RFX3: variants seen among roughly 807,000 people sequenced by gnomAD.
RFX3 encodes regulatory factor X3.
A neutral mutation model predicts 98.6 loss-of-function variants in RFX3; 14 were observed. The ratio of observed to expected loss-of-function variants is 0.14; its 90% CI spans 0.09 to 0.22. The LOEUF (loss-of-function observed/expected upper bound fraction) is 0.22. Among genes scored for constraint, RFX3 ranks in the 10% least tolerant of loss-of-function variants. RFX3 has a pLI of 1.00. For missense variants in RFX3, 639 were observed against 926.9 expected (o/e 0.69, Z 4.03); for synonymous variants, 383 against 328.4 (o/e 1.17, Z -1.80).
chr9:3,395,700 C>G, intron 1 of RFX3, 104 bp from the exon 2 acceptor site: 1 of 1,169,650 alleles, frequency 8.5e-7, no homozygotes, highest in Non-Finnish European at 1.2e-6. Flanking sequence ...ACTTTCAACT[C>G]TCATACCTCT....
intron 7 of RFX3, among the ~76,000 whole-genome samples, chr9:3,287,110 T>C (rs553483709): frequency 6.6e-6 from 1 of 151,890 alleles, no homozygotes; most frequent in East Asian, 1.9e-4. Flanking sequence ...CTGTGTCTTA[T>C]CTCTGCATGC....
chr9:3,416,232 T>G (rs1842970343), intron 1 of RFX3, among the ~76,000 whole-genome samples: 1 of 152,172 alleles, frequency 6.6e-6, no homozygotes, highest in African/African-American at 2.4e-5. Flanking sequence ...TAAAGTGTTG[T>G]ATGAGCACAT....
At chr9:3,410,481 A>G (rs1178839396) in intron 1 of RFX3, among the ~76,000 whole-genome samples, 4 of 152,120 alleles carry the variant, frequency 2.6e-5, no homozygotes, top group Non-Finnish European at 4.4e-5. Context: ...GTTTTCCTGG[A>G]AGAGGGAAAA....
intron 2 of RFX3, among the ~76,000 whole-genome samples, chr9:3,370,503 A>G (rs1837720284): frequency 1.3e-5 from 2 of 151,512 alleles, no homozygotes; most frequent in Non-Finnish European, 2.9e-5. Context: ...AATTATATAT[A>G]TATATAATCT....
chr9:3,432,346 C>G (rs1034591688), intron 1 of RFX3, among the ~76,000 whole-genome samples: 1 of 152,082 alleles, frequency 6.6e-6, no homozygotes, highest in African/African-American at 2.4e-5. Context: ...GCACATAGTA[C>G]TCAATGGAAA....
At chr9:3,492,387 C>T (rs1046338845) in intron 1 of RFX3, among the ~76,000 whole-genome samples, 6 of 152,262 alleles carry the variant, frequency 3.9e-5, no homozygotes, top group Non-Finnish European at 5.9e-5. Context: ...TGCCCTTGGG[C>T]CACTCACTTT....
intron 1 of RFX3, among the ~76,000 whole-genome samples, chr9:3,403,975 T>A (rs1383308063): frequency 1.3e-5 from 2 of 152,160 alleles, no homozygotes; most frequent in Non-Finnish European, 2.9e-5. Context: ...TCTTTTTCTT[T>A]TAATAAAAGT....
At chr9:3,400,579 C>T (rs1323396006) in intron 1 of RFX3, among the ~76,000 whole-genome samples, 2 of 152,212 alleles carry the variant, frequency 1.3e-5, no homozygotes, top group African/African-American at 4.8e-5. Context: ...TTTGTGTCTC[C>T]ATTTTCCTTC....
intron 2 of RFX3, among the ~76,000 whole-genome samples, chr9:3,361,515 T>C (rs909137219): frequency 3.3e-5 from 5 of 151,884 alleles, no homozygotes; most frequent in African/African-American, 1.2e-4. Context: ...TGGTTAAAAG[T>C]AGGCACCAGG....
chr9:3,261,805 G>C (rs887234345), intron 13 of RFX3, among the ~76,000 whole-genome samples: 1 of 152,060 alleles, frequency 6.6e-6, no homozygotes, highest in African/African-American at 2.4e-5. Context: ...CTCGCCAATA[G>C]GGTATGTTAT....
chr9:3,239,315 T>G (rs771997334), intron 15 of RFX3, among the ~76,000 whole-genome samples: 1 of 152,224 alleles, frequency 6.6e-6, no homozygotes. Context: ...TCTTTGTATG[T>G]GTATGTGTAC....
intron 16 of RFX3, among the ~76,000 whole-genome samples, chr9:3,227,730 C>T (rs118125078): frequency 0.027 from 4,055 of 152,252 alleles, 77 homozygotes; most frequent in South Asian, 0.048. Flanking sequence ...ACCTTTCTTG[C>T]TCTAAAATTA....
At chr9:3,410,730 C>G (rs937413968) in intron 1 of RFX3, among the ~76,000 whole-genome samples, 1 of 152,118 alleles carries the variant, frequency 6.6e-6, no homozygotes, top group Admixed American at 6.5e-5. Context: ...TACTATTTAT[C>G]TACGCTAAAA....
intron 3 of RFX3, among the ~76,000 whole-genome samples, chr9:3,339,728 A>G (rs1833643566): frequency 6.6e-6 from 1 of 152,180 alleles, no homozygotes. Flanking sequence ...ATCAGTTAAG[A>G]ATGAAATAAA....
chr9:3,366,081 C>T (rs1374030254), intron 2 of RFX3, among the ~76,000 whole-genome samples: 1 of 151,994 alleles, frequency 6.6e-6, no homozygotes, highest in Non-Finnish European at 1.5e-5. Context: ...GTGATGTAGG[C>T]TCGCAGCAGC....
intron 1 of RFX3, among the ~76,000 whole-genome samples, chr9:3,487,428 A>T (rs955419949): frequency 1.3e-5 from 2 of 152,328 alleles, no homozygotes; most frequent in Non-Finnish European, 2.9e-5. Flanking sequence ...CCCTGGTAAA[A>T]GGTTAGTAAC....
intron 15 of RFX3, among the ~76,000 whole-genome samples, chr9:3,245,899 C>T (rs1236523304): frequency 6.6e-6 from 1 of 152,082 alleles, no homozygotes; most frequent in Non-Finnish European, 1.5e-5. Flanking sequence ...GGAAGTCACC[C>T]AAGGGACCAA....
At chr9:3,313,390 T>C (rs929740552) in intron 4 of RFX3, among the ~76,000 whole-genome samples, 3 of 151,992 alleles carry the variant, frequency 2.0e-5, no homozygotes, top group African/African-American at 7.2e-5. Context: ...AGACCAAAGG[T>C]AGATAAAACC....
chr9:3,296,360 T>C (rs1827988165), intron 5 of RFX3, among the ~76,000 whole-genome samples: 1 of 151,984 alleles, frequency 6.6e-6, no homozygotes. Flanking sequence ...TTGAATAATT[T>C]ACAAGAAGTG....
Sources: allele counts gnomAD v4.1 joint callset (sites outside exome capture counted in the v4.1 genomes callset), GRCh38; gene constraint gnomAD v4.1.1; transcripts MANE v1.5; gene names NCBI Gene and HGNC (gene_info 2026-07-23, HGNC 2026-07-21).